The following TRIO variants were observed in gnomAD, a reference collection of about 807,000 sequenced individuals.
TRIO encodes trio Rho guanine nucleotide exchange factor.
TRIO carries 58 observed loss-of-function variants against 351.9 expected under a neutral mutation model. The observed-to-expected ratio is 0.16, with a 90% CI of 0.13 to 0.21. The LOEUF (loss-of-function observed/expected upper bound fraction) is 0.21, where lower values mean the gene tolerates loss of function less well. Ranked by LOEUF, TRIO falls within the 10% of genes least tolerant of loss-of-function variation. TRIO has a pLI of 1.00. For synonymous variants in TRIO, 1,758 were observed against 1,595.7 expected, an observed-to-expected ratio of 1.10 and a Z score of -2.42; for missense variants, 3,201 against 4,027.8, an observed-to-expected ratio of 0.79 and a Z score of 5.56.
At chr5:14,356,193 G>T (rs942149773) in intron 11 of TRIO, among the ~76,000 whole-genome samples, 1 of 152,092 alleles carries the variant, frequency 6.6e-6, no homozygotes, top group East Asian at 1.9e-4. Flanking sequence ...AACAATAAAA[G>T]TATATTTTAT....
chr5:14,307,535 G>A (rs140268886), intron 8 of TRIO, among the ~76,000 whole-genome samples: 128 of 152,308 alleles, frequency 8.4e-4, no homozygotes, highest in Non-Finnish European at 1.6e-3. Context: ...TTTTGGCAGT[G>A]CATGTCCTTC....
At position 14,344,636 on chromosome 5, in the gene TRIO, A is replaced by G. The variant is rs1207293128; in HGVS notation, c.2046+7909A>G. 2.0e-5 allele frequency among the ~76,000 whole-genome samples: 3 copies of G among 152,188 alleles called. No individual in the cohort carries two copies. In the East Asian group the frequency reaches 5.8e-4, roughly 29 times the overall value. ...TCCTGACCCCGATTGTAACATCGATATAGATAAAATAATACAGACTTTAAA... is the reference window on the plus strand; with the variant it reads ...TCCTGACCCCGATTGTAACATCGATGTAGATAAAATAATACAGACTTTAAA... On this transcript the variant is annotated intron_variant, in intron 11 of 56. Transcript: ENST00000344204.
At chr5:14,280,505 A>G in intron 3 of TRIO, 69 bp downstream of exon 3, 1 of 1,365,562 alleles carries the variant, frequency 7.3e-7, no homozygotes, top group Non-Finnish European at 1.0e-6. Flanking sequence ...TATACTCGTT[A>G]GAAATCAGCT....
At chr5:14,492,426 G>A in intron 48 of TRIO, 141 bp from the exon 49 acceptor site, 1 of 1,121,094 alleles carries the variant, frequency 8.9e-7, no homozygotes, top group Non-Finnish European at 1.3e-6. Flanking sequence ...TAAAGGAAAT[G>A]TTGAAAATTT....
intron 1 of TRIO, among the ~76,000 whole-genome samples, chr5:14,263,294 G>A: frequency 6.6e-6 from 1 of 152,300 alleles, no homozygotes; most frequent in East Asian, 1.9e-4. Context: ...CATGTGCACT[G>A]AGAGAGGTTT....
At chr5:14,492,874 G>T in intron 49 of TRIO, 60 bp downstream of exon 49, 1 of 1,591,142 alleles carries the variant, frequency 6.3e-7, no homozygotes, top group Non-Finnish European at 8.6e-7. Flanking sequence ...CACAGCACCC[G>T]TGAGGCACAC....
At chr5:14,179,912 C>G (rs559470908) in intron 1 of TRIO, among the ~76,000 whole-genome samples, 1 of 151,682 alleles carries the variant, frequency 6.6e-6, no homozygotes, top group Admixed American at 6.6e-5. Flanking sequence ...GCCAACATGA[C>G]CAGTAGAAAC....
intron 33 of TRIO, among the ~76,000 whole-genome samples, chr5:14,417,397 TA>T (rs1167405684): frequency 1.3e-5 from 2 of 152,224 alleles, no homozygotes; most frequent in East Asian, 3.8e-4. Flanking sequence ...TCTTAAAAGA[TA>T]GGCTCCTACA....
At chr5:14,438,125 C>G (rs1751742342) in intron 34 of TRIO, among the ~76,000 whole-genome samples, 1 of 152,200 alleles carries the variant, frequency 6.6e-6, no homozygotes, top group Admixed American at 6.5e-5. Context: ...CGTTAAATTT[C>G]TACATTACAC....
At chr5:14,197,863 T>C (rs896404186) in intron 1 of TRIO, among the ~76,000 whole-genome samples, 12 of 152,216 alleles carry the variant, frequency 7.9e-5, no homozygotes, top group South Asian at 4.1e-4. Context: ...GAATCTCTTA[T>C]ACTGGACTGC....
At chr5:14,164,151 A>G (rs32595) in intron 1 of TRIO, among the ~76,000 whole-genome samples, 106,852 of 152,162 alleles carry the variant, frequency 0.7, 38,809 homozygotes, top group African/African-American at 0.9. Flanking sequence ...TCAGGATGAC[A>G]CATTCACGTG....
chr5:14,319,303 C>T (rs971364449), intron 9 of TRIO, among the ~76,000 whole-genome samples: 1 of 152,144 alleles, frequency 6.6e-6, no homozygotes, highest in African/African-American at 2.4e-5. Context: ...GTTGTGTGAA[C>T]AGGAAATTGC....
At position 14,359,554 on chromosome 5, in the gene TRIO, C is replaced by T. The variant is rs1306033876; in HGVS notation, c.2391+23C>T. 4 of 1,608,122 alleles carry T rather than the reference C, an allele frequency of 2.5e-6. No homozygotes were observed. In the Admixed American group the frequency reaches 5.0e-5, roughly 20 times the overall value. On this transcript the variant is annotated intron_variant, in intron 13 of 56. Transcript: ENST00000344204. ...GACGTGAGTGTCCCGCGGCTGGCGC[C>T]TGCCTGCCTGTGGGAGCCCTTGGCT...
intron 11 of TRIO, among the ~76,000 whole-genome samples, chr5:14,350,252 G>A (rs1742937811): frequency 6.6e-6 from 1 of 152,160 alleles, no homozygotes; most frequent in Non-Finnish European, 1.5e-5. Flanking sequence ...CGGCAAAGAG[G>A]AATTACACTT....
At chr5:14,187,160 C>T (rs1790171330) in intron 1 of TRIO, among the ~76,000 whole-genome samples, 1 of 152,140 alleles carries the variant, frequency 6.6e-6, no homozygotes, top group African/African-American at 2.4e-5. Context: ...TCTTACGTGT[C>T]TAATTATAGT....
intron 1 of TRIO, among the ~76,000 whole-genome samples, chr5:14,209,601 G>A (rs1278051324): frequency 6.6e-6 from 1 of 152,172 alleles, no homozygotes; most frequent in Non-Finnish European, 1.5e-5. Context: ...TGACTCTTCT[G>A]TATGGCCTTG....
rs1320863306 is a variant in TRIO at position 14,461,078 on chromosome 5, C to A, written c.5263C>A (p.Pro1755Thr). The A allele has an allele frequency of 1.9e-6, 3 of 1,577,786 alleles. No homozygotes were observed. Among genetic ancestry groups the A allele is most frequent in the Non-Finnish European group, 2.6e-6 (3 of 1,162,884 alleles). Residue 1755 changes from proline (P) to threonine (T), a missense_variant, in exon 35 of 57, where the codon CCC (proline) becomes ACC (threonine). Physicochemically the swap from Pro to Thr is conservative, Grantham distance 38. Coordinates refer to ENST00000344204, the MANE Select transcript of TRIO (RefSeq NM_007118.4). ...SPPASVASLQ[P>T]HMIGAQSSPG... ...ACCCGCATCCGTGGCTTCCCTCCAG[C>A]CCCACATGATCGGGGCCCAGAGCTC...
At chr5:14,168,350 C>T (rs1788897972) in intron 1 of TRIO, among the ~76,000 whole-genome samples, 1 of 152,236 alleles carries the variant, frequency 6.6e-6, no homozygotes, top group African/African-American at 2.4e-5. Flanking sequence ...CCTGAAATCC[C>T]CCAAATAGGG....
At chr5:14,239,013 G>T (rs565162744) in intron 1 of TRIO, among the ~76,000 whole-genome samples, 1 of 152,258 alleles carries the variant, frequency 6.6e-6, no homozygotes, top group South Asian at 2.1e-4. Context: ...TTGTGCTGTT[G>T]GACTTATTTT....
Sources: gnomAD v4.1 joint callset for allele counts (sites outside exome capture counted in the v4.1 genomes callset) on GRCh38, gnomAD v4.1.1 for gene constraint, MANE v1.5 for transcripts, NCBI Gene and HGNC (gene_info 2026-07-23, HGNC 2026-07-21) for gene names.